MORC3: variants seen among roughly 807,000 people sequenced by gnomAD.
The protein encoded by MORC3 is MORC family CW-type zinc finger protein 3.
MORC3 carries 31 observed loss-of-function variants against 109.1 expected under a neutral mutation model. The ratio of observed to expected loss-of-function variants is 0.28; its 90% CI spans 0.21 to 0.38. MORC3 has a LOEUF of 0.38. MORC3 is among the 10% of genes least tolerant of loss of function. The pLI, the probability that MORC3 is intolerant of heterozygous loss-of-function variation, is 1.00. For missense variants in MORC3, 867 were observed against 1,135.8 expected (o/e 0.76, Z 3.40); for synonymous variants, 395 against 380.7 (o/e 1.04, Z -0.44).
rs779667536 is a variant in MORC3, at chr21:36,338,843, C to T, written c.530C>T (p.Thr177Met). ...ATTCTGGAACATTCTCTGTTTTCCA[C>T]GGAACAGAAGTTACTGGCAGAACTT... is the stretch of plus-strand genomic sequence containing the variant. ...AAILEHSLFS[T>M]EQKLLAELDA... The change falls in exon 5 of 17, where the codon ACG becomes ATG. Residue 177 changes from threonine to methionine, a missense_variant. Around this residue, in one of 7 missense-constraint regions of MORC3, gnomAD observed 134 missense variants for 166.6 expected, o/e 0.80. Transcript: ENST00000400485. The T allele has an allele frequency of 1.5e-5, 24 of 1,613,570 alleles. No individual in the cohort carries two copies. Among genetic ancestry groups the T allele is most frequent in the South Asian group, 2.2e-5 (2 of 91,072 alleles).
intron 1 of MORC3, among the ~76,000 whole-genome samples, chr21:36,331,032 A>G (rs914349533): frequency 6.6e-6 from 1 of 152,222 alleles, no homozygotes; most frequent in Non-Finnish European, 1.5e-5. Flanking sequence ...GTGTGCTTCA[A>G]CTTAATGGTA....
rs745909683 is a variant in MORC3 at position 36,336,862 on chromosome 21, T to C, written c.113-12T>C. On this transcript the variant is annotated splice_polypyrimidine_tract_variant and intron_variant, in intron 2 of 16. Transcript: ENST00000400485. ...TGTAAAATCAGAATTTCTTCAAACTTGTGTTTCCCAGATAATGCTTATGAT... is the reference window on the plus strand; with the variant it reads ...TGTAAAATCAGAATTTCTTCAAACTCGTGTTTCCCAGATAATGCTTATGAT... 5 of 1,590,792 alleles carry C rather than the reference T, an allele frequency of 3.1e-6. No homozygotes were observed. The South Asian group carries it at 4.6e-5, about 15-fold the overall frequency.
intron 2 of MORC3, among the ~76,000 whole-genome samples, chr21:36,334,082 C>T (rs1352096513): frequency 3.3e-5 from 5 of 151,970 alleles, no homozygotes; most frequent in South Asian, 4.2e-4. Context: ...CCACCGCACC[C>T]GGCCTACAAA....
At chr21:36,350,936 T>C (rs2146316311) in intron 9 of MORC3, among the ~76,000 whole-genome samples, 1 of 152,316 alleles carries the variant, frequency 6.6e-6, no homozygotes, top group South Asian at 2.1e-4. Flanking sequence ...AAGTCAGGGT[T>C]ATTGGGATAT....
chr21:36,360,258 C>A lies in MORC3; in HGVS notation c.1406C>A (p.Thr469Asn). The change falls in exon 12 of 17, where the codon ACC becomes AAC. Residue 469 changes from threonine (T) to asparagine (N), a missense_variant and splice_region_variant. Thr to Asn is a moderately conservative substitution (Grantham distance 65, BLOSUM62 0). Coordinates refer to ENST00000400485, the MANE Select transcript of MORC3 (RefSeq NM_015358.3). ...ACTTATGAAAAAACCTACAAAAAGACGTGAGTGTTGTATTGATGTATAGTG... is the reference window on the plus strand; with the variant it reads ...ACTTATGAAAAAACCTACAAAAAGAAGTGAGTGTTGTATTGATGTATAGTG... ...HPTYEKTYKK[T>N]NKEKFRIRQP... 1 of 1,612,326 alleles carries A rather than the reference C, an allele frequency of 6.2e-7. No individual in the cohort carries two copies. The highest frequency in any genetic ancestry group is 8.5e-7 in the Non-Finnish European group (1 of 1,178,796).
intron 1 of MORC3, among the ~76,000 whole-genome samples, chr21:36,327,589 A>C (rs1297414663): frequency 1.3e-5 from 2 of 151,364 alleles, no homozygotes. Context: ...AAAAGCAGAT[A>C]CGTCATTTCA....
intron 1 of MORC3, among the ~76,000 whole-genome samples, chr21:36,331,307 G>C (rs968472174): frequency 2.6e-5 from 4 of 151,926 alleles, no homozygotes; most frequent in Non-Finnish European, 4.4e-5. Flanking sequence ...AAAACTACTT[G>C]TGTGTTTTTG....
intron 5 of MORC3, among the ~76,000 whole-genome samples, chr21:36,340,199 A>G (rs1288077486): frequency 6.6e-6 from 1 of 151,756 alleles, no homozygotes; most frequent in Non-Finnish European, 1.5e-5. Flanking sequence ...AATGGCGTGA[A>G]CCAGGGAGGC....
intron 3 of MORC3, among the ~76,000 whole-genome samples, 165 bp downstream of exon 3, chr21:36,337,171 A>T (rs1471947911): frequency 6.6e-6 from 1 of 152,200 alleles, no homozygotes; most frequent in Non-Finnish European, 1.5e-5. Context: ...ATGATGAGTC[A>T]GTCTTCACCA....
intron 2 of MORC3, among the ~76,000 whole-genome samples, chr21:36,336,481 T>A (rs1262255145): frequency 6.6e-6 from 1 of 152,058 alleles, no homozygotes. Context: ...TGACCTCAGG[T>A]GATCTGCCCG....
chr21:36,339,040 G>A, intron 5 of MORC3, 119 bp downstream of exon 5: 6 of 1,161,090 alleles, frequency 5.2e-6, no homozygotes, highest in Non-Finnish European at 7.3e-6. Context: ...TCATTTTTTG[G>A]TGTAGTTACT....
At chr21:36,337,989 G>T in intron 4 of MORC3, 43 bp downstream of exon 4, 1 of 1,586,124 alleles carries the variant, frequency 6.3e-7, no homozygotes, top group Non-Finnish European at 8.6e-7. Flanking sequence ...AGAAACTGAA[G>T]AAATAATTTG....
Position 36,356,686 on chromosome 21 carries a change from T to C in MORC3, c.1170T>C (p.Asn390=). ...GGAATGAAATGAAAGTGAAGAAAAA[T>C]ACAGAATATCCTCTAAATTTGCCAG... ...DYWNEMKVKK[N]TEYPLNLPVE... is the part of the protein sequence containing the mutation. The change falls in exon 10 of 17, where the codon AAT becomes AAC. Residue 390 remains asparagine (N), a synonymous_variant. Coordinates refer to ENST00000400485, the MANE Select transcript of MORC3 (RefSeq NM_015358.3). 6.2e-7 allele frequency: 1 copy of C among 1,602,668 alleles called. No individual in the cohort carries two copies. The highest frequency in any genetic ancestry group is 1.7e-4 in the Middle Eastern group (1 of 6,026).
chr21:36,362,529 C>T (rs185995477), intron 13 of MORC3, among the ~76,000 whole-genome samples: 345 of 151,976 alleles, frequency 2.3e-3, no homozygotes, highest in African/African-American at 7.1e-3. Flanking sequence ...GGCCACAGAG[C>T]GAGACTTCCA....
chr21:36,324,316 C>G (rs1382963409), intron 1 of MORC3, among the ~76,000 whole-genome samples: 1 of 148,196 alleles, frequency 6.7e-6, no homozygotes, highest in Admixed American at 6.8e-5. Flanking sequence ...CTCGCTCTGT[C>G]GTCCAGGCTG....
At position 36,320,315 on chromosome 21, in the gene MORC3, C is replaced by A. The variant is rs776912654; in HGVS notation, c.39+12C>A. The A allele has an allele frequency of 3.5e-5, 52 of 1,499,050 alleles. No homozygotes were observed. The highest frequency in any genetic ancestry group is 4.4e-5 in the Non-Finnish European group (49 of 1,118,094). 92.9% of individuals were successfully genotyped at this position (1,499,050 alleles called of 1,614,324 possible). ...TACGCCTCAGCGCGGTGAGCAGCCGCGAGGGGTGGAGCGGGCCGTGTCCCA... is the reference window on the plus strand; with the variant it reads ...TACGCCTCAGCGCGGTGAGCAGCCGAGAGGGGTGGAGCGGGCCGTGTCCCA... On this transcript the variant is annotated intron_variant, in intron 1 of 16. Coordinates refer to ENST00000400485, the MANE Select transcript of MORC3 (RefSeq NM_015358.3).
chr21:36,346,008 TTTTA>T (rs1027186376), intron 8 of MORC3, among the ~76,000 whole-genome samples: 11 of 152,116 alleles, frequency 7.2e-5, no homozygotes, highest in African/African-American at 2.7e-4. Flanking sequence ...CCTTAATTTC[TTTTA>T]TTTATTTATT....
At chr21:36,367,711 C>G (rs989477135) in intron 14 of MORC3, among the ~76,000 whole-genome samples, 1 of 152,056 alleles carries the variant, frequency 6.6e-6, no homozygotes, top group Non-Finnish European at 1.5e-5. Flanking sequence ...GAGAGCCACT[C>G]AAAGACATAG....
Position 36,320,279 on chromosome 21 carries a change from ACCCCGCGGGATACGCCTCAGCGCGGTGAG to A in MORC3, c.17_39+6del. On this transcript the variant is annotated splice_donor_variant and splice_donor_5th_base_variant and coding_sequence_variant and intron_variant, in exon 1 of 17. Coordinates refer to ENST00000400485, the MANE Select transcript of MORC3 (RefSeq NM_015358.3). LOFTEE classifies it high-confidence loss of function. The stretch of plus-strand genomic sequence containing the variant: ...GCTCGCTCAAGATGGCGGCGCAGCC[ACCCCGCGGGATACGCCTCAGCGCGGTGAG>A]CAGCCGCGAGGGGTGGAGCGGGCCG... 1 of 1,573,048 alleles carries A rather than the reference ACCCCGCGGGATACGCCTCAGCGCGGTGAG, an allele frequency of 6.4e-7. No individual in the cohort carries two copies. The highest frequency in any genetic ancestry group is 8.6e-7 in the Non-Finnish European group (1 of 1,161,580).
Sources: gnomAD v4.1 joint callset for allele counts (sites outside exome capture counted in the v4.1 genomes callset) on GRCh38, gnomAD v4.1.1 for gene constraint, gnomAD v4.1.1 regional missense constraint, MANE v1.5 for transcripts, NCBI Gene and HGNC (gene_info 2026-07-23, HGNC 2026-07-21) for gene names.